RPTN: variants seen among roughly 807,000 people sequenced by gnomAD.
The protein encoded by RPTN is intermediate filament-associated protein.
A neutral mutation model predicts 3.6 loss-of-function variants in RPTN; 4 were observed. That is an observed-to-expected ratio of 1.12 (90% CI 0.55 to 2.55). RPTN has a LOEUF of 2.55. RPTN is among the 30% of genes most tolerant of loss of function. RPTN has a pLI of 0.02. For synonymous variants in RPTN, 293 were observed against 319.3 expected (o/e 0.92, Z 0.88); for missense variants, 860 against 916.7 (o/e 0.94, Z 0.80).
In RPTN at chr1:152,156,912, G is replaced by C. The variant is rs1432794127; in HGVS notation, c.187C>G (p.Gln63Glu). The C allele has an allele frequency of 1.9e-6, 3 of 1,614,012 alleles. No individual in the cohort carries two copies. In the African/African-American group the frequency reaches 4.0e-5, roughly 22 times the overall value. ...TVETILNLLD[Q>E]DRDGHIDFHE... is the part of the protein sequence containing the mutation. ...AAATCAATATGTCCATCTCGGTCTT[G>C]ATCTAAGAGGTTCAAGATGGTTTCC... The change falls in exon 3 of 3, where the codon CAA becomes GAA. Residue 63 changes from glutamine to glutamate, a missense_variant. Coordinates refer to ENST00000316073, the MANE Select transcript of RPTN (RefSeq NM_001122965.1).
chr1:152,154,956 C>T lies in RPTN; in HGVS notation c.2143G>A (p.Asp715Asn). The T allele has an allele frequency of 3.1e-6, 5 of 1,614,132 alleles. No homozygotes were observed. Among genetic ancestry groups the T allele is most frequent in the Non-Finnish European group, 4.2e-6 (5 of 1,180,024 alleles). The change falls in exon 3 of 3, where the codon GAT (aspartate) becomes AAT (asparagine). Residue 715 changes from aspartate to asparagine, a missense_variant. Physicochemically the swap from Asp to Asn is conservative, Grantham distance 23. Coordinates refer to ENST00000316073, the MANE Select transcript of RPTN (RefSeq NM_001122965.1). ...TCCTGACTCTCATGGCTGTGTCTAT[C>T]CCAAGTTTGATGGCCCTGCTCTTCC... The part of the protein sequence containing the change: ...AEEEQGHQTW[D>N]RHSHESQEGP...
intron 1 of RPTN, among the ~76,000 whole-genome samples, chr1:152,158,501 T>C (rs888330766): frequency 2.0e-5 from 3 of 152,150 alleles, no homozygotes; most frequent in Admixed American, 2.0e-4. Context: ...TCAATGAATA[T>C]AAAAGCTGTT....
At chr1:152,157,003 G>T in intron 2 of RPTN, 43 bp from the exon 3 acceptor site, 1 of 1,524,886 alleles carries the variant, frequency 6.6e-7, no homozygotes. Flanking sequence ...ATGCTGTCTT[G>T]TGCATACTAA....
At position 152,156,774 on chromosome 1, in the gene RPTN, G is replaced by A; in HGVS notation, c.325C>T (p.Gln109Ter). The A allele has an allele frequency of 6.2e-7, 1 of 1,614,162 alleles. No individual in the cohort carries two copies. The highest frequency in any genetic ancestry group is 1.3e-5 in the African/African-American group (1 of 75,026). ...GTGTTTCCTGGGAACTTACAGTCTT[G>A]TGCTCCTTCCTGCCCCCTTTCTTGC... ...SQQERGQEGA[Q>*]DCKFPGNTGR... is the part of the protein sequence containing the mutation. Residue 109 changes from glutamine (Q) to a stop codon, truncating the protein, a stop_gained, in exon 3 of 3, where the codon CAA (glutamine) becomes TAA (stop). Transcript: ENST00000316073. LOFTEE classifies it low-confidence loss of function (END_TRUNC).
At position 152,156,460 on chromosome 1, in the gene RPTN, T is replaced by C; in HGVS notation, c.639A>G (p.Lys213=). 6.2e-7 allele frequency: 1 copy of C among 1,614,260 alleles called. No individual in the cohort carries two copies. Residue 213 remains lysine, a synonymous_variant, in exon 3 of 3, where the codon AAA becomes AAG. Coordinates refer to ENST00000316073, the MANE Select transcript of RPTN (RefSeq NM_001122965.1). ...GCCATTTAGCCTGGCCACTGGTAGA[T>C]TTGTGACTCACTTTTTTACCAGAGC... is the stretch of plus-strand genomic sequence containing the variant. ...DSSSGKKVSH[K]STSGQAKWQG...
Position 152,155,765 on chromosome 1 carries a change from T to C in RPTN, c.1334A>G (p.Gln445Arg), listed in dbSNP as rs748751395. 1 of 1,592,820 alleles carries C rather than the reference T, an allele frequency of 6.3e-7. No individual in the cohort carries two copies. Among genetic ancestry groups the C allele is most frequent in the Non-Finnish European group, 8.6e-7 (1 of 1,166,268 alleles). Reference protein sequence around the residue: ...QSSHYGQPDRQGQNSHYGQTD... With the variant: ...QSSHYGQPDRRGQNSHYGQTD... ...CTGACCATAGTGGGAATTCTGGCCT[T>C]GTCTGTCTGGCTGACCATAGTGGGA... Residue 445 changes from glutamine to arginine, a missense_variant, in exon 3 of 3, where the codon CAA becomes CGA. By Grantham distance (43) the Gln-to-Arg change is conservative (BLOSUM62 1). Coordinates refer to ENST00000316073, the MANE Select transcript of RPTN (RefSeq NM_001122965.1).
rs961476034 is a variant in RPTN, at chr1:152,154,189, A to T, written c.*555T>A. The T allele has an allele frequency of 1.9e-5, 3 of 158,396 alleles. No homozygotes were observed. The highest frequency in any genetic ancestry group is 7.2e-5 in the African/African-American group (3 of 41,480). 9.8% of individuals were successfully genotyped at this position (158,396 alleles called of 1,614,324 possible). On this transcript the variant is annotated 3_prime_UTR_variant, in exon 3 of 3. Transcript: ENST00000316073. ...ATCAACATTAAGATATGATTATTTC[A>T]CCCAATTTACCACCTAGATTTCACT...
chr1:152,155,474 C>T lies in RPTN; in HGVS notation c.1625G>A (p.Gly542Asp), dbSNP rs1241649468. 6 of 1,608,982 alleles carry T rather than the reference C, an allele frequency of 3.7e-6. No homozygotes were observed. The East Asian group carries it at 1.3e-4, about 36-fold the overall frequency. The change falls in exon 3 of 3, where the codon GGC becomes GAC. Residue 542 changes from glycine (G) to aspartate (D), a missense_variant. Gly to Asp is a moderately conservative substitution (Grantham distance 94, BLOSUM62 -1). Coordinates refer to ENST00000316073, the MANE Select transcript of RPTN (RefSeq NM_001122965.1). ...SSHYSQMDRQ[G>D]QSSHYGQTDR... is the part of the protein sequence containing the mutation. ...TGTCTGACCATAGTGGGAACTCTGG[C>T]CTTGTCTGTCCATCTGACTGTAGTG...
chr1:152,157,960 C>T (rs1659240488), intron 1 of RPTN, 51 bp from the exon 2 acceptor site: 1 of 1,505,798 alleles, frequency 6.6e-7, no homozygotes, highest in Non-Finnish European at 9.2e-7. Context: ...GACCACGAGA[C>T]AGCATTTCCA....
intron 1 of RPTN, among the ~76,000 whole-genome samples, 171 bp downstream of exon 1, chr1:152,159,013 T>G (rs1252845445): frequency 1.3e-5 from 2 of 152,158 alleles, no homozygotes; most frequent in Non-Finnish European, 2.9e-5. Context: ...GACACAGAAG[T>G]AGTCCACCCC....
rs1659237145 is a variant in RPTN, at chr1:152,157,777, A to G, written c.113T>C (p.Leu38Ser). The change falls in exon 2 of 3, where the codon TTG becomes TCG. Residue 38 changes from leucine to serine, a missense_variant. Leu to Ser is a moderately radical substitution (Grantham distance 145). Transcript: ENST00000316073. ...CTGGAGGATGTCTCCAAACTCAGCCAAGAGCAGTTGTTTCAACTCTTCCTT... is the reference window on the plus strand; with the variant it reads ...CTGGAGGATGTCTCCAAACTCAGCCGAGAGCAGTTGTTTCAACTCTTCCTT... ...LCKEELKQLL[L>S]AEFGDILQRP... 6 of 1,613,986 alleles carry G rather than the reference A, an allele frequency of 3.7e-6. No individual in the cohort carries two copies. The highest frequency in any genetic ancestry group is 5.1e-6 in the Non-Finnish European group (6 of 1,179,940).
rs1281130628 is a variant in RPTN, at chr1:152,154,799, T to C, written c.2300A>G (p.Asn767Ser). The change falls in exon 3 of 3, where the codon AAC (asparagine) becomes AGC (serine). Residue 767 changes from asparagine to serine, a missense_variant. Asn to Ser is a conservative substitution (Grantham distance 46). Transcript: ENST00000316073. ...RDRQTHEDKQ[N>S]RQRRDRQTHE... ...GGTTTGCCTGTCTCGTCTCTGACGG[T>C]TCTGCTTGTCTTCATGGGTTTGCCT... 6.2e-7 allele frequency: 1 copy of C among 1,613,814 alleles called. No individual in the cohort carries two copies. The highest frequency in any genetic ancestry group is 2.2e-5 in the East Asian group (1 of 44,818).
chr1:152,155,388 A>G lies in RPTN; in HGVS notation c.1711T>C (p.Tyr571His). ...QTDRQGQSYH[Y>H]GQTDRQGQSS... ...TGGCCTTGTCTGTCTGTCTGACCAT[A>G]ATGATAGCTCTGGCCTTGTCTGTCT... is the stretch of plus-strand genomic sequence containing the variant. The change falls in exon 3 of 3, where the codon TAT becomes CAT. Residue 571 changes from tyrosine (Y) to histidine (H), a missense_variant. Physicochemically the swap from Tyr to His is moderately conservative, Grantham distance 83. Coordinates refer to ENST00000316073, the MANE Select transcript of RPTN (RefSeq NM_001122965.1). 1 of 1,614,056 alleles carries G rather than the reference A, an allele frequency of 6.2e-7. No homozygotes were observed. The highest frequency in any genetic ancestry group is 1.1e-5 in the South Asian group (1 of 91,066).
Position 152,157,923 on chromosome 1 carries a change from C to G in RPTN, c.-20-14G>C, listed in dbSNP as rs772185264. 19 of 1,610,400 alleles carry G rather than the reference C, an allele frequency of 1.2e-5. No homozygotes were observed. Among genetic ancestry groups the G allele is most frequent in the Non-Finnish European group, 1.6e-5 (19 of 1,177,530 alleles). ...GTACGGGTGAACCTAAAAGAAGAAA[C>G]AAGATTTCTCCTGCCGTTAGGATAA... On this transcript the variant is annotated splice_polypyrimidine_tract_variant and intron_variant, in intron 1 of 2. Transcript: ENST00000316073.
Position 152,155,567 on chromosome 1 carries a change from T to C in RPTN, c.1532A>G (p.Tyr511Cys). ...CTGGCCTTGTCTGTCTGTCTGACCA[T>C]AGTGGGAACTTTGGCCTTGTCCGTC... ...QPDGQGQSSH[Y>C]GQTDRQGQSF... is the part of the protein sequence containing the mutation. Residue 511 changes from tyrosine to cysteine, a missense_variant, in exon 3 of 3, where the codon TAT becomes TGT. Physicochemically the swap from Tyr to Cys is radical, Grantham distance 194. Coordinates refer to ENST00000316073, the MANE Select transcript of RPTN (RefSeq NM_001122965.1). The C allele has an allele frequency of 6.2e-7, 1 of 1,604,376 alleles. No homozygotes were observed. Among genetic ancestry groups the C allele is most frequent in the Non-Finnish European group, 8.5e-7 (1 of 1,172,928 alleles).
chr1:152,154,826 T>A lies in RPTN; in HGVS notation c.2273A>T (p.Asp758Val). 1 of 1,613,888 alleles carries A rather than the reference T, an allele frequency of 6.2e-7. No homozygotes were observed. Among genetic ancestry groups the A allele is most frequent in the South Asian group, 1.1e-5 (1 of 91,038 alleles). Reference protein sequence around the residue: ...HEHEQSHQRRDRQTHEDKQNR... With the variant: ...HEHEQSHQRRVRQTHEDKQNR... ...CTGCTTGTCTTCATGGGTTTGCCTG[T>A]CTCGTCTCTGATGGCTCTGCTCATG... Residue 758 changes from aspartate to valine, a missense_variant, in exon 3 of 3, where the codon GAC (aspartate) becomes GTC (valine). Physicochemically the swap from Asp to Val is radical, Grantham distance 152. Coordinates refer to ENST00000316073, the MANE Select transcript of RPTN (RefSeq NM_001122965.1).
rs1038864422 is a variant in RPTN, at chr1:152,155,027, G to T, written c.2072C>A (p.Ala691Asp). 1 of 1,614,138 alleles carries T rather than the reference G, an allele frequency of 6.2e-7. No homozygotes were observed. Residue 691 changes from alanine to aspartate, a missense_variant, in exon 3 of 3, where the codon GCC (alanine) becomes GAC (aspartate). Ala to Asp is a moderately radical substitution (Grantham distance 126). Coordinates refer to ENST00000316073, the MANE Select transcript of RPTN (RefSeq NM_001122965.1). ...CTCACCATGACTCTGCCTGGTCTGG[G>T]CCTGTCTGTGGCCCTGCTCACTACT... is the stretch of plus-strand genomic sequence containing the variant. ...SCSSEQGHRQ[A>D]QTRQSHGEGL...
In RPTN at chr1:152,153,809, G is replaced by A. The variant is rs1011665418; in HGVS notation, c.*935C>T. On this transcript the variant is annotated 3_prime_UTR_variant, in exon 3 of 3. Transcript: ENST00000316073. The stretch of plus-strand genomic sequence containing the variant: ...ATGGGTCCATTCAGCTCTAGTGATA[G>A]GCACTAATGGACAGTCCCTCTGGTG... 6 of 152,376 alleles carry A rather than the reference G, an allele frequency of 3.9e-5. No individual in the cohort carries two copies. Among genetic ancestry groups the A allele is most frequent in the Admixed American group, 3.3e-4 (5 of 15,278 alleles). The allele number at this position is 152,376 out of a possible 1,614,324, so 9.4% of individuals were successfully genotyped here. A position where few individuals can be genotyped will look rare whatever the true frequency, so the allele number is the denominator to read the frequency against.
Position 152,155,187 on chromosome 1 carries a change from A to T in RPTN, c.1912T>A (p.Ser638Thr), listed in dbSNP as rs77415490. ...TGGCCGTTCTGCTGTGAGTCCCTAGACTGGAATCCCTGTCCCTGGTTTTGG... is the reference window on the plus strand; with the variant it reads ...TGGCCGTTCTGCTGTGAGTCCCTAGTCTGGAATCCCTGTCCCTGGTTTTGG... ...GYQNQGQGFQ[S>T]RDSQQNGHQV... Residue 638 changes from serine to threonine, a missense_variant, in exon 3 of 3, where the codon TCT (serine) becomes ACT (threonine). By Grantham distance (58) the Ser-to-Thr change is moderately conservative (BLOSUM62 1). Transcript: ENST00000316073. 5 of 1,613,972 alleles carry T rather than the reference A, an allele frequency of 3.1e-6. No homozygotes were observed. In the East Asian group the frequency reaches 1.1e-4, roughly 36 times the overall value.
Sources: gnomAD v4.1 joint callset for allele counts (sites outside exome capture counted in the v4.1 genomes callset) on GRCh38, gnomAD v4.1.1 for gene constraint, MANE v1.5 for transcripts, NCBI Gene and HGNC (gene_info 2026-07-23, HGNC 2026-07-21) for gene names.